EFCAB5: variants seen among roughly 807,000 people sequenced by gnomAD.
EFCAB5 encodes EF-hand calcium-binding domain-containing protein 5.
A neutral mutation model predicts 167.9 loss-of-function variants in EFCAB5; 131 were observed. The observed-to-expected ratio is 0.78, with a 90% confidence interval of 0.68 to 0.90. EFCAB5 has a LOEUF of 0.90. Ranked by LOEUF, EFCAB5 falls within the 40% of genes least tolerant of loss-of-function variation. The pLI, the probability that EFCAB5 is intolerant of heterozygous loss-of-function variation, is 0.00. For synonymous variants in EFCAB5, 574 were observed against 602.8 expected, an observed-to-expected ratio of 0.95 and a Z score of 0.70; for missense variants, 1,663 against 1,745.2, an observed-to-expected ratio of 0.95 and a Z score of 0.84.
At chr17:29,993,980 T>A (rs2068478706) in intron 5 of EFCAB5, among the ~76,000 whole-genome samples, 1 of 151,174 alleles carries the variant, frequency 6.6e-6, no homozygotes, top group Admixed American at 6.6e-5. Context: ...TTATCCAGGC[T>A]GTGGTTCCAG....
At chr17:30,102,679 G>C (rs564478644) in intron 22 of EFCAB5, among the ~76,000 whole-genome samples, 1 of 151,652 alleles carries the variant, frequency 6.6e-6, no homozygotes, top group East Asian at 1.9e-4. Flanking sequence ...TTTTAACTTG[G>C]TGGTCTCCAA....
intron 4 of EFCAB5, among the ~76,000 whole-genome samples, chr17:29,990,710 C>T (rs1324644484): frequency 3.3e-5 from 5 of 152,146 alleles, no homozygotes; most frequent in African/African-American, 1.2e-4. Context: ...TCAAATGTAG[C>T]TATAATATTT....
rs1199862139 is a variant in EFCAB5, at chr17:30,096,673, A to AT, written c.4321+3738dup. Among the ~76,000 whole-genome samples, 260 of 63,476 alleles carry AT rather than the reference A, an allele frequency of 4.1e-3. 3 individuals carry two copies. Among genetic ancestry groups the AT allele is most frequent in the African/African-American group, 9.9e-3 (133 of 13,384 alleles). 41.6% of individuals were successfully genotyped at this position (63,476 alleles called of 152,430 possible). ...AAAGCATATATATATATATATATATATATATTTTTTTTTTTTTTTTTTTTG... is the reference window on the plus strand; with the variant it reads ...AAAGCATATATATATATATATATATATTATATTTTTTTTTTTTTTTTTTTTG... On this transcript the variant is annotated intron_variant, in intron 22 of 22. Coordinates refer to ENST00000394835, the MANE Select transcript of EFCAB5 (RefSeq NM_198529.4).
chr17:30,035,456 G>A (rs990587932), intron 8 of EFCAB5, among the ~76,000 whole-genome samples: 3 of 152,168 alleles, frequency 2.0e-5, no homozygotes, highest in Admixed American at 1.3e-4. Context: ...TTCCATCCTC[G>A]TAGGATTCCT....
chr17:30,055,750 G>GC, intron 10 of EFCAB5, 138 bp from the exon 11 acceptor site: 1 of 808,586 alleles, frequency 1.2e-6, no homozygotes, highest in Non-Finnish European at 1.9e-6. Flanking sequence ...GTGGTCGATT[G>GC]CAACACTGCA....
intron 7 of EFCAB5, among the ~76,000 whole-genome samples, chr17:30,007,488 A>T (rs2068795756): frequency 6.6e-6 from 1 of 152,208 alleles, no homozygotes; most frequent in South Asian, 2.1e-4. Flanking sequence ...AAAATTACAC[A>T]AACTATTATT....
At chr17:30,037,562 T>C (rs1397099565) in intron 8 of EFCAB5, among the ~76,000 whole-genome samples, 1 of 152,116 alleles carries the variant, frequency 6.6e-6, no homozygotes, top group Admixed American at 6.6e-5. Context: ...ATATACTCAA[T>C]AGGTGACCAA....
At chr17:30,080,332 C>G in intron 16 of EFCAB5, 91 bp downstream of exon 16, 1 of 1,380,240 alleles carries the variant, frequency 7.2e-7, no homozygotes, top group Non-Finnish European at 9.6e-7. Flanking sequence ...GCTAGCTGCT[C>G]AAAAGAGAGG....
chr17:30,061,371 G>A lies in EFCAB5; in HGVS notation c.2737+1670G>A, dbSNP rs148630569. Among the ~76,000 whole-genome samples the A allele has an allele frequency of 3.9e-5, 6 of 152,290 alleles. No homozygotes were observed. The East Asian group carries it at 7.7e-4, about 20-fold the overall frequency. On this transcript the variant is annotated intron_variant, in intron 14 of 22. Transcript: ENST00000394835. ...TAAATTTCAAGCATTGCCAATAACC[G>A]ATTGGCAAATCTTCAAACAGCTCTT... is the stretch of plus-strand genomic sequence containing the variant.
At chr17:29,930,010 G>T (rs1384807067) in intron 1 of EFCAB5, 13 of 1,595,372 alleles carry the variant, frequency 8.1e-6, no homozygotes, top group Non-Finnish European at 1.1e-5. Context: ...TCTAGGCGCT[G>T]CTGGGTTGTT....
chr17:30,002,085 T>C (rs1184251630), intron 7 of EFCAB5, among the ~76,000 whole-genome samples: 1 of 152,232 alleles, frequency 6.6e-6, no homozygotes, highest in Non-Finnish European at 1.5e-5. Flanking sequence ...TTTTTCCATA[T>C]AGATTTTTGG....
chr17:30,091,766 GA>G, intron 20 of EFCAB5, 104 bp from the exon 21 acceptor site: 1 of 1,311,462 alleles, frequency 7.6e-7, no homozygotes, highest in Non-Finnish European at 1.0e-6. Flanking sequence ...GCTTTTTCTT[GA>G]CAAAAACATT....
chr17:30,008,216 GTAAA>G (rs939341679), intron 7 of EFCAB5, among the ~76,000 whole-genome samples: 2 of 152,004 alleles, frequency 1.3e-5, no homozygotes, highest in South Asian at 2.1e-4. Context: ...AAATAAACAA[GTAAA>G]TAAACAAAAA....
chr17:29,963,678 C>T (rs967814458), intron 3 of EFCAB5, among the ~76,000 whole-genome samples: 2 of 152,112 alleles, frequency 1.3e-5, no homozygotes, highest in Admixed American at 1.3e-4. Flanking sequence ...TGATCCAAGA[C>T]TTTTCTTTGT....
intron 7 of EFCAB5, among the ~76,000 whole-genome samples, chr17:30,032,877 C>T (rs1387869893): frequency 1.3e-5 from 2 of 152,214 alleles, no homozygotes; most frequent in Non-Finnish European, 2.9e-5. Flanking sequence ...CTCGACTACA[C>T]ATTCACAAAT....
At chr17:30,013,905 T>C (rs1258127643) in intron 7 of EFCAB5, among the ~76,000 whole-genome samples, 1 of 152,234 alleles carries the variant, frequency 6.6e-6, no homozygotes, top group Admixed American at 6.5e-5. Flanking sequence ...AGGGTGTCGA[T>C]TTTAGATCTT....
chr17:30,042,530 G>T (rs7220004), intron 8 of EFCAB5, among the ~76,000 whole-genome samples: 77,949 of 151,894 alleles, frequency 0.51, 20,393 homozygotes, highest in African/African-American at 0.57. Flanking sequence ...CAATGAATTT[G>T]CAAATTACAT....
chr17:30,105,233 C>T (rs540015901), intron 22 of EFCAB5, among the ~76,000 whole-genome samples: 9 of 152,190 alleles, frequency 5.9e-5, no homozygotes, highest in African/African-American at 2.2e-4. Context: ...CGGTTGCTCA[C>T]GCCTGTAATC....
chr17:29,929,916 G>A (rs1364678827), intron 1 of EFCAB5: 1 of 1,579,494 alleles, frequency 6.3e-7, no homozygotes, highest in Non-Finnish European at 8.6e-7. Context: ...AGCAAGCGGA[G>A]CGGCCGCCAG....
Sources: gnomAD v4.1 joint callset for allele counts (sites outside exome capture counted in the v4.1 genomes callset) on GRCh38, gnomAD v4.1.1 for gene constraint, MANE v1.5 for transcripts, NCBI Gene and HGNC (gene_info 2026-07-23, HGNC 2026-07-21) for gene names.